Variants in SS18 observed in about 807,000 individuals in gnomAD.
SS18 encodes the protein SS18 subunit of BAF chromatin remodeling complex.
In SS18, 28 loss-of-function variants were observed where a neutral mutation model predicts 72.5. That is an observed-to-expected ratio of 0.39 (90% CI 0.29 to 0.53). The LOEUF (loss-of-function observed/expected upper bound fraction) is 0.53, where lower values mean the gene tolerates loss of function less well. Among genes scored for constraint, SS18 ranks in the 20% least tolerant of loss-of-function variants. The probability of loss-of-function intolerance (pLI) is 0.76; values close to 1 mark genes in which losing one functional copy is unlikely to be tolerated. For synonymous variants in SS18, 172 were observed against 164.2 expected, an observed-to-expected ratio of 1.05 and a Z score of -0.37; for missense variants, 518 against 535.3, an observed-to-expected ratio of 0.97 and a Z score of 0.32.
chr18:26,067,343 A>C (rs1274973852), intron 3 of SS18, among the ~76,000 whole-genome samples: 1 of 152,218 alleles, frequency 6.6e-6, no homozygotes, highest in Admixed American at 6.5e-5. Flanking sequence ...TGACTAAGAG[A>C]ACTAAGTGTT....
At chr18:26,070,078 A>G (rs750120287) in intron 3 of SS18, among the ~76,000 whole-genome samples, 3 of 152,216 alleles carry the variant, frequency 2.0e-5, no homozygotes, top group South Asian at 2.1e-4. Flanking sequence ...GGTAATGGGT[A>G]CACTAAAAGC....
chr18:26,040,883 G>A (rs151294829), intron 5 of SS18, among the ~76,000 whole-genome samples: 2,430 of 152,182 alleles, frequency 0.016, 72 homozygotes, highest in African/African-American at 0.055. Flanking sequence ...GAGTAGAGGC[G>A]AAGAGAACTT....
chr18:26,053,120 T>C (rs1369666989), intron 4 of SS18, among the ~76,000 whole-genome samples: 11 of 152,120 alleles, frequency 7.2e-5, no homozygotes, highest in African/African-American at 2.4e-4. Context: ...TATCATAAGG[T>C]TGGAGTAATT....
chr18:26,029,130 A>G (rs2053501428), intron 10 of SS18, among the ~76,000 whole-genome samples: 1 of 152,160 alleles, frequency 6.6e-6, no homozygotes, highest in Non-Finnish European at 1.5e-5. Context: ...CTCAGGTAGA[A>G]ACTCACTTGA....
chr18:26,081,561 ATTATT>A (rs2054523746), intron 2 of SS18, among the ~76,000 whole-genome samples: 1 of 152,170 alleles, frequency 6.6e-6, no homozygotes, highest in African/African-American at 2.4e-5. Context: ...AAATACTCAT[ATTATT>A]TTATAACTTT....
At chr18:26,056,262 A>T (rs1285779723) in intron 4 of SS18, among the ~76,000 whole-genome samples, 1 of 152,226 alleles carries the variant, frequency 6.6e-6, no homozygotes, top group Non-Finnish European at 1.5e-5. Flanking sequence ...ATTTAAGTCA[A>T]AATCCTAATT....
At chr18:26,040,640 G>T (rs1226807196) in intron 5 of SS18, among the ~76,000 whole-genome samples, 2 of 152,160 alleles carry the variant, frequency 1.3e-5, no homozygotes, top group Non-Finnish European at 2.9e-5. Flanking sequence ...TACAACAGCA[G>T]CAATGATGTA....
chr18:26,064,618 A>T (rs954397061), intron 3 of SS18, among the ~76,000 whole-genome samples: 1 of 152,084 alleles, frequency 6.6e-6, no homozygotes, highest in African/African-American at 2.4e-5. Context: ...GAGCACTCTT[A>T]AAACAAAAAT....
chr18:26,075,496 T>G (rs2054396120), intron 3 of SS18, among the ~76,000 whole-genome samples: 1 of 151,928 alleles, frequency 6.6e-6, no homozygotes, highest in Non-Finnish European at 1.5e-5. Flanking sequence ...ATCATCTCAT[T>G]CGATGCAATA....
At chr18:26,081,403 C>G (rs1459062271) in intron 2 of SS18, 2 of 152,260 alleles carry the variant, frequency 1.3e-5, no homozygotes, top group Non-Finnish European at 2.9e-5. Context: ...GTTGGCCAGG[C>G]TGGTCTTGAA....
At chr18:26,027,745 CAGAA>C (rs1279340500) in intron 10 of SS18, among the ~76,000 whole-genome samples, 2 of 121,052 alleles carry the variant, frequency 1.7e-5, no homozygotes, top group Non-Finnish European at 3.6e-5. Context: ...AGCTATGCAT[CAGAA>C]AGAAAAAAAG....
intron 5 of SS18, among the ~76,000 whole-genome samples, chr18:26,045,887 A>G (rs540220091): frequency 2.0e-5 from 3 of 152,298 alleles, no homozygotes; most frequent in East Asian, 1.9e-4. Context: ...TAAACATTAG[A>G]AACATTGAGA....
At chr18:26,030,105 A>C (rs557658402) in intron 10 of SS18, among the ~76,000 whole-genome samples, 7 of 152,330 alleles carry the variant, frequency 4.6e-5, no homozygotes, top group African/African-American at 1.7e-4. Flanking sequence ...ACTGCTACAC[A>C]CTTTATATAC....
At chr18:26,048,157 G>A (rs1228414891) in intron 5 of SS18, among the ~76,000 whole-genome samples, 1 of 152,222 alleles carries the variant, frequency 6.6e-6, no homozygotes, top group Non-Finnish European at 1.5e-5. Context: ...TATGCTGTAG[G>A]AATGTGAATG....
intron 5 of SS18, among the ~76,000 whole-genome samples, chr18:26,048,525 T>C (rs545903846): frequency 6.6e-6 from 1 of 152,226 alleles, no homozygotes; most frequent in Non-Finnish European, 1.5e-5. Context: ...CCTTTTCGTC[T>C]ATCTCTTAAT....
Position 26,017,405 on chromosome 18 carries a change from T to C in SS18, c.*949A>G, listed in dbSNP as rs1318548612. ...TTACAAAATAAAATGACTGGATCAA[T>C]GTTGACTCTTCTTTGATATCATTTA... On this transcript the variant is annotated 3_prime_UTR_variant, in exon 11 of 11. Coordinates refer to ENST00000415083, the MANE Select transcript of SS18 (RefSeq NM_001007559.3). The C allele has an allele frequency of 5.2e-6, 1 of 192,672 alleles. No individual in the cohort carries two copies. The highest frequency in any genetic ancestry group is 2.3e-5 in the African/African-American group (1 of 43,144). The allele number at this position is 192,672 out of a possible 1,614,324, so 11.9% of individuals were successfully genotyped here. A position where few individuals can be genotyped will look rare whatever the true frequency, so the allele number is the denominator to read the frequency against.
chr18:26,037,966 TA>T (rs2053653670), intron 7 of SS18, among the ~76,000 whole-genome samples: 1 of 152,078 alleles, frequency 6.6e-6, no homozygotes, highest in Non-Finnish European at 1.5e-5. Flanking sequence ...CAAAAAACCC[TA>T]ACTAAAAATC....
At chr18:26,057,861 G>C in intron 3 of SS18, 119 bp from the exon 4 acceptor site, 1 of 940,604 alleles carries the variant, frequency 1.1e-6, no homozygotes, top group East Asian at 2.8e-5. Context: ...AATGCATTTC[G>C]AATTCTTCTA....
intron 6 of SS18, 59 bp from the exon 7 acceptor site, chr18:26,038,718 T>G (rs1351519691): frequency 7.3e-7 from 1 of 1,374,120 alleles, no homozygotes; most frequent in African/African-American, 1.4e-5. Flanking sequence ...ATCAAAGGCT[T>G]TCTTTCTAAT....
Sources: allele counts gnomAD v4.1 joint callset (sites outside exome capture counted in the v4.1 genomes callset), GRCh38; gene constraint gnomAD v4.1.1; transcripts MANE v1.5; gene names NCBI Gene and HGNC (gene_info 2026-07-23, HGNC 2026-07-21).